The following CAST variants were observed in gnomAD, a reference collection of about 807,000 sequenced individuals.
CAST encodes calpastatin, also known as MIR583 host.
Under a neutral mutation model 119.6 loss-of-function variants are expected in CAST, and 76 were observed. The observed-to-expected ratio is 0.64, with a 90% CI of 0.53 to 0.77. The LOEUF is 0.77. Ranked by LOEUF, CAST falls within the 30% of genes least tolerant of loss-of-function variation. The probability of loss-of-function intolerance (pLI) is 0.00; values close to 1 mark genes in which losing one functional copy is unlikely to be tolerated. For missense variants in CAST, 953 were observed against 946.5 expected (o/e 1.01, Z -0.09); for synonymous variants, 319 against 331.6 (o/e 0.96, Z 0.41).
intron 2 of CAST, among the ~76,000 whole-genome samples, chr5:96,685,388 A>G (rs1466874084): frequency 6.6e-6 from 1 of 152,164 alleles, no homozygotes; most frequent in East Asian, 1.9e-4. Context: ...TGACTGGTTC[A>G]AAAGGGACAA....
At chr5:96,151,980 A>G in the CAST span, among the ~76,000 whole-genome samples, 2 of 152,270 alleles carry the variant, frequency 1.3e-5, no homozygotes, top group African/African-American at 4.8e-5. Context: ...CTCCTATGAC[A>G]CTAGTTCCCT....
At chr5:96,494,073 A>T in the CAST span, among the ~76,000 whole-genome samples, 1 of 152,178 alleles carries the variant, frequency 6.6e-6, no homozygotes, top group Non-Finnish European at 1.5e-5. Context: ...AAATAAACTT[A>T]TTCTAATCCC....
At chr5:96,379,708 C>T in the CAST span, 1 of 152,140 alleles carries the variant, frequency 6.6e-6, no homozygotes, top group Non-Finnish European at 1.5e-5. Context: ...ATTATTTTCT[C>T]TCTCCTGCAC....
chr5:96,703,066 C>T (rs1754193671), intron 3 of CAST, among the ~76,000 whole-genome samples: 1 of 152,180 alleles, frequency 6.6e-6, no homozygotes. Flanking sequence ...ACTATCGCGA[C>T]CCTGGCGATA....
At chr5:96,386,517 T>C in the CAST span, among the ~76,000 whole-genome samples, 1 of 152,242 alleles carries the variant, frequency 6.6e-6, no homozygotes, top group Non-Finnish European at 1.5e-5. Flanking sequence ...CTTCATCGAC[T>C]CTTACATTTT....
At chr5:96,455,710 A>G in the CAST span, among the ~76,000 whole-genome samples, 6 of 152,220 alleles carry the variant, frequency 3.9e-5, no homozygotes, top group African/African-American at 1.2e-4. Context: ...GGCTTTTCGC[A>G]TAGCTTAACC....
At chr5:96,700,625 G>T (rs191580258) in intron 3 of CAST, among the ~76,000 whole-genome samples, 2 of 152,218 alleles carry the variant, frequency 1.3e-5, no homozygotes, top group African/African-American at 4.8e-5. Context: ...AGTGCAGAAT[G>T]TGGGTAGTTT....
At chr5:96,732,428 G>A (rs1480746515) in intron 9 of CAST, among the ~76,000 whole-genome samples, 9 of 126,016 alleles carry the variant, frequency 7.1e-5, no homozygotes, top group African/African-American at 1.5e-4. Flanking sequence ...AGTAGGTTGC[G>A]AAAATTTTCT....
At chr5:96,055,214 C>T in the CAST span, among the ~76,000 whole-genome samples, 1 of 152,068 alleles carries the variant, frequency 6.6e-6, no homozygotes, top group Admixed American at 6.6e-5. Context: ...CCTCTTTCCC[C>T]TTCTTTACTC....
At chr5:96,380,937 T>C in the CAST span, among the ~76,000 whole-genome samples, 5 of 152,196 alleles carry the variant, frequency 3.3e-5, no homozygotes, top group African/African-American at 4.8e-5. Flanking sequence ...AAAAAGTTTA[T>C]TGGTATAGTT....
At chr5:96,086,416 G>C in the CAST span, among the ~76,000 whole-genome samples, 39 of 152,162 alleles carry the variant, frequency 2.6e-4, no homozygotes, top group African/African-American at 8.7e-4. Flanking sequence ...GTTTTCCTGT[G>C]GCAAATGGAT....
intron 1 of CAST, among the ~76,000 whole-genome samples, chr5:96,546,739 T>C (rs1383333514): frequency 1.3e-5 from 2 of 152,218 alleles, no homozygotes; most frequent in African/African-American, 2.4e-5. Flanking sequence ...ATCCGGCATA[T>C]AATGCCTCCA....
At chr5:96,429,590 A>G in the CAST span, among the ~76,000 whole-genome samples, 1 of 151,940 alleles carries the variant, frequency 6.6e-6, no homozygotes, top group African/African-American at 2.4e-5. Context: ...TTTTTTTCTG[A>G]TCCCTTCTCT....
chr5:96,023,294 G>C, the CAST span, among the ~76,000 whole-genome samples: 5 of 152,172 alleles, frequency 3.3e-5, no homozygotes, highest in Non-Finnish European at 7.4e-5. Context: ...GATGGCTCTG[G>C]ATAAATAGCT....
At chr5:96,262,784 C>T in the CAST span, among the ~76,000 whole-genome samples, 1 of 152,154 alleles carries the variant, frequency 6.6e-6, no homozygotes, top group Non-Finnish European at 1.5e-5. Flanking sequence ...ATCCGCCTGC[C>T]TCGGCTTCCC....
chr5:96,410,604 G>A, the CAST span, among the ~76,000 whole-genome samples: 1 of 152,116 alleles, frequency 6.6e-6, no homozygotes, highest in East Asian at 1.9e-4. Context: ...TCCCTGGAGA[G>A]AAAACTTTCT....
the CAST span, among the ~76,000 whole-genome samples, chr5:96,198,967 T>A: frequency 1.3e-5 from 2 of 152,184 alleles, no homozygotes; most frequent in African/African-American, 2.4e-5. Context: ...CATCATGTCT[T>A]ACTGGTCTTA....
At chr5:96,136,306 C>T in the CAST span, among the ~76,000 whole-genome samples, 1 of 152,066 alleles carries the variant, frequency 6.6e-6, no homozygotes, top group Non-Finnish European at 1.5e-5. Flanking sequence ...TTTTTCAGTT[C>T]GCTCCTGTCT....
the CAST span, among the ~76,000 whole-genome samples, chr5:96,426,388 T>C: frequency 6.6e-6 from 1 of 152,174 alleles, no homozygotes; most frequent in East Asian, 1.9e-4. Context: ...CAGGTAGAAA[T>C]TGCAAATATT....
Sources: gnomAD v4.1 joint callset for allele counts (sites outside exome capture counted in the v4.1 genomes callset) on GRCh38, gnomAD v4.1.1 for gene constraint, MANE v1.5 for transcripts, NCBI Gene and HGNC (gene_info 2026-07-23, HGNC 2026-07-21) for gene names.